The following COP1 variants were observed in gnomAD, a reference collection of about 807,000 sequenced individuals.
COP1 encodes the protein E3 ubiquitin-protein ligase COP1.
Under a neutral mutation model 101.3 loss-of-function variants are expected in COP1, and 24 were observed. That is an observed-to-expected ratio of 0.24 (90% CI 0.17 to 0.33). The LOEUF (loss-of-function observed/expected upper bound fraction) is 0.33. COP1 is among the 10% of genes least tolerant of loss of function. COP1 has a pLI of 1.00. For missense variants in COP1, 663 were observed against 906.2 expected (o/e 0.73, Z 3.45); for synonymous variants, 347 against 341.9 (o/e 1.01, Z -0.17).
chr1:175,976,184 A>G (rs1654496911), intron 18 of COP1, among the ~76,000 whole-genome samples: 1 of 151,810 alleles, frequency 6.6e-6, no homozygotes, highest in Non-Finnish European at 1.5e-5. Flanking sequence ...TTAATTGGGA[A>G]AGGTATAACT....
chr1:176,151,353 A>AAAAGAAAAG (rs1692462528), intron 5 of COP1, among the ~76,000 whole-genome samples: 2 of 115,992 alleles, frequency 1.7e-5, no homozygotes, highest in African/African-American at 7.1e-5. Context: ...GAAAGAAAGA[A>AAAAGAAAAG]AAAGAAAGAA....
At chr1:176,006,232 C>A (rs1300958490) in intron 15 of COP1, among the ~76,000 whole-genome samples, 1 of 151,988 alleles carries the variant, frequency 6.6e-6, no homozygotes, top group African/African-American at 2.4e-5. Flanking sequence ...TATTTTGAGC[C>A]TATGTGTGTC....
At chr1:176,042,991 T>C (rs1001772019) in intron 14 of COP1, among the ~76,000 whole-genome samples, 195 bp downstream of exon 14, 1 of 152,284 alleles carries the variant, frequency 6.6e-6, no homozygotes, top group Non-Finnish European at 1.5e-5. Flanking sequence ...ATTGTGCCAC[T>C]GTACTCCAGC....
intron 18 of COP1, among the ~76,000 whole-genome samples, chr1:175,970,254 A>G (rs1052085354): frequency 1.5e-4 from 23 of 152,216 alleles, no homozygotes; most frequent in African/African-American, 5.3e-4. Flanking sequence ...AAAATGGTTA[A>G]AAGAGGGAAA....
intron 11 of COP1, among the ~76,000 whole-genome samples, chr1:176,077,036 C>G (rs1348268260): frequency 6.6e-6 from 1 of 152,096 alleles, no homozygotes; most frequent in African/African-American, 2.4e-5. Context: ...GATTCACAGA[C>G]AAGTTCTAAT....
intron 11 of COP1, among the ~76,000 whole-genome samples, chr1:176,062,457 A>G (rs1675041145): frequency 6.6e-6 from 1 of 152,202 alleles, no homozygotes; most frequent in Non-Finnish European, 1.5e-5. Context: ...CCATTAATAA[A>G]ATGCCTGATA....
intron 12 of COP1, among the ~76,000 whole-genome samples, chr1:176,045,911 T>C (rs1185468948): frequency 6.6e-6 from 1 of 151,134 alleles, no homozygotes; most frequent in Non-Finnish European, 1.5e-5. Flanking sequence ...CCAACAACCA[T>C]GTCCAACAAA....
intron 11 of COP1, among the ~76,000 whole-genome samples, chr1:176,067,920 T>C (rs908689641): frequency 6.6e-6 from 1 of 152,110 alleles, no homozygotes; most frequent in Admixed American, 6.6e-5. Flanking sequence ...CCCCTCCCCA[T>C]AGGGTCACAA....
intron 15 of COP1, among the ~76,000 whole-genome samples, chr1:175,993,169 C>T (rs1260562914): frequency 2.0e-5 from 3 of 152,220 alleles, no homozygotes; most frequent in African/African-American, 7.2e-5. Context: ...TACAACAGAC[C>T]TGCAGCTGAG....
At chr1:175,990,365 C>G (rs1368578956) in intron 15 of COP1, among the ~76,000 whole-genome samples, 1 of 152,046 alleles carries the variant, frequency 6.6e-6, no homozygotes, top group Non-Finnish European at 1.5e-5. Context: ...TGTATGTCTT[C>G]AAGCATTTTA....
At chr1:176,201,973 T>C (rs1031282297) in intron 1 of COP1, among the ~76,000 whole-genome samples, 10 of 152,336 alleles carry the variant, frequency 6.6e-5, no homozygotes, top group Middle Eastern at 3.4e-3. Context: ...CTTTAAATTA[T>C]ATTTAGTCCT....
chr1:176,045,500 G>C (rs908985303), intron 12 of COP1, among the ~76,000 whole-genome samples: 6 of 147,256 alleles, frequency 4.1e-5, no homozygotes, highest in Non-Finnish European at 7.4e-5. Context: ...TCTATACAAA[G>C]TTATTATTAG....
intron 18 of COP1, among the ~76,000 whole-genome samples, chr1:175,972,537 T>C (rs1451948189): frequency 2.0e-5 from 3 of 149,210 alleles, no homozygotes; most frequent in Non-Finnish European, 3.0e-5. Flanking sequence ...TGATCTCGGC[T>C]CACTGCAACT....
intron 6 of COP1, among the ~76,000 whole-genome samples, chr1:176,139,587 CAATA>C (rs1690353791): frequency 6.6e-6 from 1 of 151,966 alleles, no homozygotes; most frequent in Admixed American, 6.6e-5. Flanking sequence ...ACGGTGGACT[CAATA>C]AAGATGTGAT....
chr1:176,039,131 T>C (rs1441814004), intron 14 of COP1, among the ~76,000 whole-genome samples: 1 of 152,222 alleles, frequency 6.6e-6, no homozygotes, highest in African/African-American at 2.4e-5. Flanking sequence ...ACATTGTATC[T>C]GTTAGATCAC....
At chr1:176,192,088 C>A (rs1699170909) in intron 1 of COP1, among the ~76,000 whole-genome samples, 1 of 152,020 alleles carries the variant, frequency 6.6e-6, no homozygotes, top group South Asian at 2.1e-4. Context: ...TGCAAGTGAA[C>A]CAATTTCTGG....
At chr1:176,151,930 G>C (rs1004214673) in intron 5 of COP1, among the ~76,000 whole-genome samples, 1 of 149,640 alleles carries the variant, frequency 6.7e-6, no homozygotes, top group Non-Finnish European at 1.5e-5. Flanking sequence ...CTCAAGAGTA[G>C]AACAACTGCC....
chr1:176,110,742 C>T (rs1002566790), intron 9 of COP1, among the ~76,000 whole-genome samples: 2 of 152,212 alleles, frequency 1.3e-5, no homozygotes, highest in African/African-American at 4.8e-5. Context: ...AAAGCAAAGA[C>T]TCTGAAGCCA....
Position 175,995,307 on chromosome 1 carries a change from T to C in COP1, c.1730-5828A>G, listed in dbSNP as rs541835463. ...AAGACAAAGCAGGAAAGATCCAAAA[T>C]TGACACCCTAACATCACAATTAAAA... On this transcript the variant is annotated intron_variant, in intron 15 of 19. Transcript: ENST00000367669. 2.0e-5 allele frequency among the ~76,000 whole-genome samples: 3 copies of C among 152,128 alleles called. No homozygotes were observed. The South Asian group carries it at 6.2e-4, about 32-fold the overall frequency.
Sources: allele counts gnomAD v4.1 joint callset (sites outside exome capture counted in the v4.1 genomes callset), GRCh38; gene constraint gnomAD v4.1.1; transcripts MANE v1.5; gene names NCBI Gene and HGNC (gene_info 2026-07-23, HGNC 2026-07-21).